Variants in CCDC33 observed in about 807,000 individuals in gnomAD.
CCDC33 encodes the protein coiled-coil domain containing 33.
CCDC33 carries 94 observed loss-of-function variants against 91.9 expected under a neutral mutation model. That is an observed-to-expected ratio of 1.02 (90% CI 0.87 to 1.21). The LOEUF is 1.21. Ranked by LOEUF, CCDC33 falls within the 50% of genes most tolerant of loss-of-function variation. The probability of loss-of-function intolerance (pLI) is 0.00; values close to 1 mark genes in which losing one functional copy is unlikely to be tolerated. For missense variants in CCDC33, 940 were observed against 935.5 expected, an observed-to-expected ratio of 1.00 and a Z score of -0.06; for synonymous variants, 396 against 374.5, an observed-to-expected ratio of 1.06 and a Z score of -0.66.
At chr15:74,232,055 CGTAAAT>C (rs1331355979), upstream of CCDC33, among the ~76,000 whole-genome samples, 1 of 152,016 alleles carries the variant, frequency 6.6e-6, no homozygotes, top group African/African-American at 2.4e-5. Flanking sequence ...ACTCCGGGAG[CGTAAAT>C]GTGAGGATGA....
At chr15:74,259,885 A>G (rs567921797) in intron 2 of CCDC33, among the ~76,000 whole-genome samples, 1 of 152,310 alleles carries the variant, frequency 6.6e-6, no homozygotes, top group South Asian at 2.1e-4. Context: ...TCCCCCAGGA[A>G]TGTGTCCATG....
intron 7 of CCDC33, among the ~76,000 whole-genome samples, chr15:74,273,107 T>C (rs1002950645): frequency 2.0e-5 from 3 of 152,240 alleles, no homozygotes; most frequent in African/African-American, 7.2e-5. Flanking sequence ...GGTGAAAAAG[T>C]TGAACATCAA....
intron 2 of CCDC33, among the ~76,000 whole-genome samples, chr15:74,257,667 C>T (rs1307882200): frequency 6.6e-6 from 1 of 152,280 alleles, no homozygotes; most frequent in Non-Finnish European, 1.5e-5. Context: ...AAACAGCCCC[C>T]CTCAAGCCTC....
intron 11 of CCDC33, among the ~76,000 whole-genome samples, chr15:74,315,804 C>T (rs1008226197): frequency 2.0e-5 from 3 of 151,902 alleles, no homozygotes; most frequent in Non-Finnish European, 2.9e-5. Flanking sequence ...AAGTGGCTGG[C>T]GTGGGAGTGG....
chr15:74,247,489 C>T (rs2075575214), intron 2 of CCDC33, among the ~76,000 whole-genome samples: 1 of 151,856 alleles, frequency 6.6e-6, no homozygotes, highest in South Asian at 2.1e-4. Context: ...ACAACATATA[C>T]ACAATGTAAT....
intron 16 of CCDC33, 29 bp downstream of exon 16, chr15:74,332,874 A>G (rs748906612): frequency 6.9e-6 from 11 of 1,605,526 alleles, no homozygotes; most frequent in Non-Finnish European, 9.4e-6. Flanking sequence ...GGGCCTGCCT[A>G]TGCCGGTCAC....
chr15:74,259,550 C>G (rs1017817515), intron 2 of CCDC33, among the ~76,000 whole-genome samples: 12 of 152,116 alleles, frequency 7.9e-5, no homozygotes, highest in African/African-American at 2.9e-4. Context: ...CCCCTCCCAC[C>G]CAGTTGCTTT....
chr15:74,255,862 A>G (rs1398240023), intron 2 of CCDC33, among the ~76,000 whole-genome samples: 1 of 152,176 alleles, frequency 6.6e-6, no homozygotes, highest in African/African-American at 2.4e-5. Flanking sequence ...GCCAAGAGCT[A>G]TTTCCAGGAC....
At position 74,281,729 on chromosome 15, in the gene CCDC33, G is replaced by A. The variant is rs565134514; in HGVS notation, c.1024-49G>A. 2.4e-4 allele frequency: 364 copies of A among 1,520,880 alleles called. 4 individuals carry two copies. In the South Asian group the frequency reaches 3.3e-3, roughly 14 times the overall value. 94.2% of individuals were successfully genotyped at this position (1,520,880 alleles called of 1,614,324 possible). A position where few individuals can be genotyped will look rare whatever the true frequency, so the allele number is the denominator to read the frequency against. ...CTAGAACAGTAGGTGGGGCAGAGGC[G>A]GAAGCTGCCCTGGCCAGCATGGTCT... On this transcript the variant is annotated intron_variant, in intron 9 of 18. Transcript: ENST00000398814.
chr15:74,335,825 T>C, intron 18 of CCDC33, 100 bp from the exon 19 acceptor site: 1 of 901,662 alleles, frequency 1.1e-6, no homozygotes, highest in Non-Finnish European at 1.8e-6. Flanking sequence ...CCCACTGGAT[T>C]CTGGATACTC....
At chr15:74,216,383 A>T (rs185502047), upstream of CCDC33, among the ~76,000 whole-genome samples, 2 of 150,942 alleles carry the variant, frequency 1.3e-5, no homozygotes, top group Admixed American at 1.3e-4. Context: ...CTGACACCCA[A>T]ACAGAAGGGA....
At chr15:74,290,059 A>AT (rs141766500) in intron 10 of CCDC33, among the ~76,000 whole-genome samples, 4 of 151,898 alleles carry the variant, frequency 2.6e-5, no homozygotes, top group Admixed American at 2.6e-4. Flanking sequence ...TGGTCTTGGG[A>AT]TTTCCCCCCT....
chr15:74,302,410 G>T (rs964028322), intron 11 of CCDC33: 5 of 152,208 alleles, frequency 3.3e-5, no homozygotes, highest in East Asian at 3.9e-4. Context: ...CCCTTTCCTC[G>T]CAGGCAGGCG....
At chr15:74,207,598 A>T in intron 1 of CCDC33, 1 of 1,161,878 alleles carries the variant, frequency 8.6e-7, no homozygotes, top group Non-Finnish European at 1.2e-6. Flanking sequence ...CCAATAGTTT[A>T]CAATACTCAA....
intron 3 of CCDC33, among the ~76,000 whole-genome samples, 160 bp downstream of exon 3, chr15:74,262,733 C>G (rs997051965): frequency 2.0e-5 from 3 of 152,222 alleles, no homozygotes; most frequent in Admixed American, 2.0e-4. Context: ...AATACTGTCA[C>G]GCCTCATCTC....
intron 10 of CCDC33, among the ~76,000 whole-genome samples, chr15:74,286,237 C>T (rs1455839017): frequency 1.3e-5 from 2 of 152,152 alleles, no homozygotes; most frequent in Non-Finnish European, 2.9e-5. Context: ...CAGAGCAAGA[C>T]TGTGTCTCAA....
intron 2 of CCDC33, among the ~76,000 whole-genome samples, chr15:74,222,996 A>G (rs1415447561): frequency 6.6e-6 from 1 of 151,118 alleles, no homozygotes; most frequent in Non-Finnish European, 1.5e-5. Flanking sequence ...TGCCCTGGAG[A>G]CTGGAATGGT....
intron 1 of CCDC33, among the ~76,000 whole-genome samples, chr15:74,203,750 G>A (rs527843666): frequency 6.6e-6 from 1 of 152,328 alleles, no homozygotes; most frequent in South Asian, 2.1e-4. Flanking sequence ...GGGTTACAAA[G>A]GGAATCACAG....
intron 1 of CCDC33, among the ~76,000 whole-genome samples, chr15:74,204,546 C>T (rs1161226829): frequency 6.6e-6 from 1 of 152,212 alleles, no homozygotes; most frequent in Non-Finnish European, 1.5e-5. Flanking sequence ...ATTTTAAATC[C>T]ACCTCCAACC....
Sources: allele counts gnomAD v4.1 joint callset (sites outside exome capture counted in the v4.1 genomes callset), GRCh38; gene constraint gnomAD v4.1.1; transcripts MANE v1.5; gene names NCBI Gene and HGNC (gene_info 2026-07-23, HGNC 2026-07-21).